IL27RA: variants seen among roughly 807,000 people sequenced by gnomAD.
The protein encoded by IL27RA is interleukin 27 receptor subunit alpha, also known as interleukin-27 receptor subunit alpha.
IL27RA carries 61 observed loss-of-function variants against 80.8 expected under a neutral mutation model. That is an observed-to-expected ratio of 0.76 (90% CI 0.61 to 0.93). IL27RA has a LOEUF of 0.93. IL27RA is among the 40% of genes least tolerant of loss of function. The pLI is 0.00. For synonymous variants in IL27RA, 316 were observed against 332.5 expected (o/e 0.95, Z 0.54); for missense variants, 735 against 808.1 (o/e 0.91, Z 1.10).
At chr19:14,051,414 G>A (rs945326596) in intron 11 of IL27RA, among the ~76,000 whole-genome samples, 193 bp from the exon 12 acceptor site, 13 of 151,400 alleles carry the variant, frequency 8.6e-5, no homozygotes, top group South Asian at 8.3e-4. Flanking sequence ...GCGTGGTGGC[G>A]TGCGGCTGTA....
intron 6 of IL27RA, among the ~76,000 whole-genome samples, chr19:14,044,050 C>CAAAAAAA (rs111909254): frequency 3.5e-5 from 3 of 85,168 alleles, no homozygotes; most frequent in African/African-American, 8.6e-5. Flanking sequence ...CTCTGTCTCA[C>CAAAAAAA]AAAAAAAAAA....
chr19:14,044,232 G>T (rs1976031433), intron 6 of IL27RA, among the ~76,000 whole-genome samples: 1 of 151,656 alleles, frequency 6.6e-6, no homozygotes, highest in Non-Finnish European at 1.5e-5. Context: ...ACACAATCCA[G>T]TATCTTTTAT....
At chr19:14,043,232 G>T (rs1299061289) in intron 6 of IL27RA, among the ~76,000 whole-genome samples, 2 of 152,016 alleles carry the variant, frequency 1.3e-5, no homozygotes, top group African/African-American at 2.4e-5. Context: ...ATTCAAGGAT[G>T]GGTTGCTAAA....
At chr19:14,039,013 G>A (rs902922789) in intron 2 of IL27RA, among the ~76,000 whole-genome samples, 7 of 151,772 alleles carry the variant, frequency 4.6e-5, no homozygotes, top group African/African-American at 1.7e-4. Flanking sequence ...GACCAGGTAT[G>A]GTGGCTCATG....
At position 14,049,726 on chromosome 19, in the gene IL27RA, C is replaced by T. The variant is rs747022975; in HGVS notation, c.1402+412C>T. ...CCTCCTGAGTAGCTGGGATTACAGGCGCATGCCACCATGCCCGGCTAATTT... is the reference window on the plus strand; with the variant it reads ...CCTCCTGAGTAGCTGGGATTACAGGTGCATGCCACCATGCCCGGCTAATTT... On this transcript the variant is annotated intron_variant, in intron 10 of 13. Coordinates refer to ENST00000263379, the MANE Select transcript of IL27RA (RefSeq NM_004843.4). Among the ~76,000 whole-genome samples, 5 of 151,584 alleles carry T rather than the reference C, an allele frequency of 3.3e-5. No individual in the cohort carries two copies. The East Asian group carries it at 7.9e-4, about 24-fold the overall frequency.
At chr19:14,042,221 C>G (rs1350233148) in intron 4 of IL27RA, among the ~76,000 whole-genome samples, 1 of 147,570 alleles carries the variant, frequency 6.8e-6, no homozygotes, top group Non-Finnish European at 1.5e-5. Flanking sequence ...AAAAAATTAA[C>G]CAGGTGTGGT....
rs1457248619 is a variant in IL27RA at position 14,045,146 on chromosome 19, G to T, written c.769-1008G>T. Among the ~76,000 whole-genome samples, 2 of 151,112 alleles carry T rather than the reference G, an allele frequency of 1.3e-5. 1 individual carries two copies. Among genetic ancestry groups the T allele is most frequent in the Non-Finnish European group, 2.9e-5 (2 of 67,824 alleles). ...AAAAAAAAAAAAAAAAATTAGCGGG[G>T]TGTGGTGGCATGCGTCTATAGTCCC... On this transcript the variant is annotated intron_variant, in intron 6 of 13. Coordinates refer to ENST00000263379, the MANE Select transcript of IL27RA (RefSeq NM_004843.4).
chr19:14,042,748 T>G lies in IL27RA; in HGVS notation c.727T>G (p.Cys243Gly), dbSNP rs1437907675. The change falls in exon 6 of 14, where the codon TGT becomes GGT. Residue 243 changes from cysteine (C) to glycine (G), a missense_variant. Physicochemically the swap from Cys to Gly is radical, Grantham distance 159. Coordinates refer to ENST00000263379, the MANE Select transcript of IL27RA (RefSeq NM_004843.4). ...PKDVWVSGNL[C>G]GTPGGEEPLL... Reference sequence around the variant, plus strand: ...AGATGTGTGGGTATCAGGGAACCTCTGTGGGACGCCTGGAGGAGAGGAACC... The same window carrying G: ...AGATGTGTGGGTATCAGGGAACCTCGGTGGGACGCCTGGAGGAGAGGAACC... 6.2e-7 allele frequency: 1 copy of G among 1,614,182 alleles called. No individual in the cohort carries two copies.
rs371228777 is a variant in IL27RA, at chr19:14,049,091, G to A, written c.1243+9G>A. Reference sequence around the variant, plus strand: ...GTTCAGGGAGGAATTAGGTAAGAGTGGGGCTGGAGGATGGGGGGGCTTCTG... The same window carrying A: ...GTTCAGGGAGGAATTAGGTAAGAGTAGGGCTGGAGGATGGGGGGGCTTCTG... On this transcript the variant is annotated intron_variant, in intron 9 of 13. Transcript: ENST00000263379. 825 of 1,612,940 alleles carry A rather than the reference G, an allele frequency of 5.1e-4. 1 individual carries two copies. The highest frequency in any genetic ancestry group is 1.0e-3 in the Admixed American group (62 of 59,788).
At chr19:14,045,191 G>C (rs1483411943) in intron 6 of IL27RA, among the ~76,000 whole-genome samples, 2 of 151,340 alleles carry the variant, frequency 1.3e-5, no homozygotes, top group African/African-American at 2.4e-5. Context: ...GGAGGCTGAG[G>C]TGGGAGGATC....
chr19:14,050,508 T>G, intron 10 of IL27RA, among the ~76,000 whole-genome samples: 2 of 91,442 alleles, frequency 2.2e-5, no homozygotes, highest in Non-Finnish European at 3.9e-5. Context: ...CGAGACTTCA[T>G]GTCAAAAAAA....
intron 4 of IL27RA, among the ~76,000 whole-genome samples, chr19:14,040,660 A>T (rs1437595244): frequency 6.6e-6 from 1 of 151,978 alleles, no homozygotes; most frequent in African/African-American, 2.4e-5. Context: ...ATCTCTACTA[A>T]AAATACAAAA....
intron 2 of IL27RA, among the ~76,000 whole-genome samples, chr19:14,035,861 A>G (rs1975889981): frequency 6.6e-6 from 1 of 152,058 alleles, no homozygotes; most frequent in African/African-American, 2.4e-5. Context: ...GCTCACTGCA[A>G]CCTCAAACTC....
intron 10 of IL27RA, among the ~76,000 whole-genome samples, chr19:14,049,879 A>G (rs115758757): frequency 0.017 from 2,657 of 151,884 alleles, 33 homozygotes; most frequent in South Asian, 0.048. Context: ...CGCCCGGCCT[A>G]TATATAATTT....
chr19:14,050,638 G>A (rs1976147062), intron 10 of IL27RA, 120 bp from the exon 11 acceptor site: 1 of 1,045,522 alleles, frequency 9.6e-7, no homozygotes, highest in Non-Finnish European at 1.4e-6. Flanking sequence ...ACCTAAAAGA[G>A]ATGAGGAGGG....
chr19:14,051,631 TGCCGG>T lies in IL27RA; in HGVS notation c.1556_1560del (p.Pro519HisfsTer40), dbSNP rs930510702. 1 of 1,612,262 alleles carries T rather than the reference TGCCGG, an allele frequency of 6.2e-7. No homozygotes were observed. The highest frequency in any genetic ancestry group is 8.5e-7 in the Non-Finnish European group (1 of 1,178,906). ...GATAACACCCTGAGGTGGAAAGTTC[TGCCGG>T]GCATCCTATTCTTGTGGGGCTTGTT... is the stretch of plus-strand genomic sequence containing the variant. On this transcript the variant is annotated frameshift_variant, in exon 12 of 14. Transcript: ENST00000263379. LOFTEE classifies it high-confidence loss of function.
intron 8 of IL27RA, among the ~76,000 whole-genome samples, 172 bp downstream of exon 8, chr19:14,046,790 A>G (rs1273520558): frequency 6.6e-6 from 1 of 152,024 alleles, no homozygotes; most frequent in Non-Finnish European, 1.5e-5. Flanking sequence ...TGAGGTCAGG[A>G]GTTGGACACC....
At chr19:14,051,769 A>G (rs1976169163) in intron 12 of IL27RA, 69 bp downstream of exon 12, 5 of 1,446,880 alleles carry the variant, frequency 3.5e-6, no homozygotes, top group Non-Finnish European at 4.8e-6. Flanking sequence ...CTGAGCTTCC[A>G]GGGGGCTTGA....
chr19:14,034,440 A>G (rs1478410791), intron 2 of IL27RA, among the ~76,000 whole-genome samples: 1 of 150,876 alleles, frequency 6.6e-6, no homozygotes, highest in Non-Finnish European at 1.5e-5. Context: ...CAGGCAGATC[A>G]CCTGAGGTCA....
Sources: allele counts gnomAD v4.1 joint callset (sites outside exome capture counted in the v4.1 genomes callset), GRCh38; gene constraint gnomAD v4.1.1; transcripts MANE v1.5; gene names NCBI Gene and HGNC (gene_info 2026-07-23, HGNC 2026-07-21).